Variants in TENM2 observed in about 807,000 individuals in gnomAD.
TENM2 encodes the protein teneurin transmembrane protein 2, also known as teneurin-2.
Under a neutral mutation model 245.2 loss-of-function variants are expected in TENM2, and 52 were observed. The observed-to-expected ratio is 0.21, with a 90% confidence interval of 0.17 to 0.27. TENM2 has a LOEUF of 0.27. Ranked by LOEUF, TENM2 falls within the 10% of genes least tolerant of loss-of-function variation. The probability of loss-of-function intolerance (pLI) is 1.00; values close to 1 mark genes in which losing one functional copy is unlikely to be tolerated. For missense variants in TENM2, 3,046 were observed against 3,666.8 expected (o/e 0.83, Z 4.37); for synonymous variants, 1,363 against 1,438.9 (o/e 0.95, Z 1.19).
At chr5:167,463,517 A>G (rs1162345291) in intron 2 of TENM2, among the ~76,000 whole-genome samples, 1 of 144,046 alleles carries the variant, frequency 6.9e-6, no homozygotes, top group Non-Finnish European at 1.5e-5. Flanking sequence ...TTTTTTTTTG[A>G]GGCAGAGTTT....
At chr5:167,227,916 C>T in the TENM2 span, among the ~76,000 whole-genome samples, 2 of 152,014 alleles carry the variant, frequency 1.3e-5, no homozygotes, top group African/African-American at 4.8e-5. Flanking sequence ...TTATGGTGTC[C>T]CATATGTCAC....
chr5:167,561,569 T>C (rs1001394107), intron 2 of TENM2, among the ~76,000 whole-genome samples: 1 of 152,180 alleles, frequency 6.6e-6, no homozygotes, highest in Non-Finnish European at 1.5e-5. Context: ...AAGATCAAGA[T>C]GAAACGTCTA....
At chr5:167,792,665 C>G (rs1468713200) in intron 2 of TENM2, among the ~76,000 whole-genome samples, 2 of 151,664 alleles carry the variant, frequency 1.3e-5, no homozygotes, top group African/African-American at 2.4e-5. Flanking sequence ...CATAATGGCT[C>G]CCTGGGAACG....
intron 2 of TENM2, among the ~76,000 whole-genome samples, chr5:167,517,076 T>C (rs1770431802): frequency 6.6e-6 from 1 of 152,208 alleles, no homozygotes; most frequent in Admixed American, 6.5e-5. Context: ...CAGTGAACCT[T>C]ACCTTGGCTA....
At chr5:166,979,696 AT>A in the TENM2 span, among the ~76,000 whole-genome samples, 5 of 149,896 alleles carry the variant, frequency 3.3e-5, no homozygotes, top group Admixed American at 6.6e-5. Flanking sequence ...TTTTCTATGT[AT>A]TTTTTTTTCC....
chr5:167,725,708 G>C (rs1759953433), intron 2 of TENM2, among the ~76,000 whole-genome samples: 1 of 152,100 alleles, frequency 6.6e-6, no homozygotes, highest in Non-Finnish European at 1.5e-5. Context: ...TGGTTTAGGG[G>C]TTCTTAGCTT....
chr5:168,144,158 C>T (rs2152408223), intron 12 of TENM2, among the ~76,000 whole-genome samples: 1 of 152,106 alleles, frequency 6.6e-6, no homozygotes, highest in East Asian at 1.9e-4. Flanking sequence ...TGCGCCCAGC[C>T]TACTATACTT....
At chr5:167,517,007 A>G (rs1770426752) in intron 2 of TENM2, among the ~76,000 whole-genome samples, 1 of 152,240 alleles carries the variant, frequency 6.6e-6, no homozygotes, top group Admixed American at 6.5e-5. Context: ...GCAATTTCAT[A>G]ATGTGAATTT....
At position 168,247,003 on chromosome 5, in the gene TENM2, T is replaced by G. The variant is rs1183005295; in HGVS notation, c.6064T>G (p.Tyr2022Asp). 5 of 1,613,782 alleles carry G rather than the reference T, an allele frequency of 3.1e-6. No individual in the cohort carries two copies. The change falls in exon 27 of 29, where the codon TAT becomes GAT. Residue 2022 changes from tyrosine to aspartate, a missense_variant. By Grantham distance (160) the Tyr-to-Asp change is radical (BLOSUM62 -3). Around this residue, in one of 2 missense-constraint regions of TENM2, gnomAD observed 2,704 missense variants for 3,331.9 expected, o/e 0.81. Transcript: ENST00000518659. This position sits in a 1 kb window ranked among gnomAD's most constrained non-coding sequence, Gnocchi z 7.8. ...CACCGGACGCCAGGTGTTCTACAAG[T>G]ATGGGAAACTCTCCAAGTTATCAGA... is the stretch of plus-strand genomic sequence containing the variant.
At chr5:167,934,868 GT>G in intron 3 of TENM2, 7 of 985,564 alleles carry the variant, frequency 7.1e-6, no homozygotes, top group Non-Finnish European at 8.4e-6. Context: ...GCTTAGCTTA[GT>G]ACGCGTTCGG....
chr5:167,981,786 C>T (rs752021959), intron 4 of TENM2, among the ~76,000 whole-genome samples: 4 of 152,074 alleles, frequency 2.6e-5, no homozygotes, highest in Non-Finnish European at 5.9e-5. Context: ...CCAGCTTTGC[C>T]AACATGGCAA....
intron 2 of TENM2, among the ~76,000 whole-genome samples, chr5:167,836,014 A>G (rs1768956706): frequency 6.6e-6 from 1 of 152,228 alleles, no homozygotes; most frequent in Admixed American, 6.5e-5. Flanking sequence ...ACCAGCCTGC[A>G]CTACATTTTA....
chr5:167,136,440 T>G, the TENM2 span, among the ~76,000 whole-genome samples: 1 of 152,160 alleles, frequency 6.6e-6, no homozygotes, highest in Admixed American at 6.5e-5. Flanking sequence ...AATAAACCAG[T>G]GGAAGAAATA....
At chr5:168,132,992 G>A (rs561314330) in intron 12 of TENM2, among the ~76,000 whole-genome samples, 4 of 152,316 alleles carry the variant, frequency 2.6e-5, no homozygotes, top group African/African-American at 9.6e-5. Flanking sequence ...ACTGGCTGAT[G>A]AAGGAGGACA....
chr5:167,403,752 G>A (rs561708223), intron 2 of TENM2, among the ~76,000 whole-genome samples: 14 of 152,184 alleles, frequency 9.2e-5, no homozygotes, highest in African/African-American at 2.9e-4. Context: ...TTTACTATGT[G>A]ATAAATTATT....
At chr5:167,439,473 A>G (rs1349636762) in intron 2 of TENM2, among the ~76,000 whole-genome samples, 1 of 152,190 alleles carries the variant, frequency 6.6e-6, no homozygotes, top group Non-Finnish European at 1.5e-5. Context: ...TTCCTAGGCT[A>G]GTGTCTTCCT....
At chr5:167,385,837 A>G (rs930368417) in intron 2 of TENM2, among the ~76,000 whole-genome samples, 25 of 147,230 alleles carry the variant, frequency 1.7e-4, no homozygotes, top group African/African-American at 3.0e-4. Context: ...GTGGCTGAGT[A>G]GTATTCCATT....
chr5:167,163,672 TA>T, the TENM2 span, among the ~76,000 whole-genome samples: 1 of 152,146 alleles, frequency 6.6e-6, no homozygotes, highest in Non-Finnish European at 1.5e-5. Context: ...CTGATTACGG[TA>T]ACCACAGGCT....
chr5:167,859,098 T>C (rs1448324179), intron 2 of TENM2, among the ~76,000 whole-genome samples: 5 of 130,396 alleles, frequency 3.8e-5, no homozygotes, highest in Non-Finnish European at 5.0e-5. Context: ...TCGTCTGAGA[T>C]GTGGGGAGCG....
Sources: gnomAD v4.1 joint callset for allele counts (sites outside exome capture counted in the v4.1 genomes callset) on GRCh38, gnomAD v4.1.1 for gene constraint, gnomAD v4.1.1 regional missense constraint, Gnocchi (gnomAD v3.1) non-coding constraint, MANE v1.5 for transcripts, NCBI Gene and HGNC (gene_info 2026-07-23, HGNC 2026-07-21) for gene names.